The following DIP2C variants were observed in gnomAD, a reference collection of about 807,000 sequenced individuals.
DIP2C encodes the protein disco-interacting protein 2 homolog C.
DIP2C carries 33 observed loss-of-function variants against 192.4 expected under a neutral mutation model. The observed-to-expected ratio is 0.17, with a 90% CI of 0.13 to 0.23. DIP2C has a LOEUF of 0.23. Ranked by LOEUF, DIP2C falls within the 10% of genes least tolerant of loss-of-function variation. DIP2C has a pLI of 1.00. For synonymous variants in DIP2C, 979 were observed against 864.1 expected (o/e 1.13, Z -2.33); for missense variants, 1,537 against 2,110.1 (o/e 0.73, Z 5.32).
chr10:500,944 G>C (rs1033779159), intron 1 of DIP2C, among the ~76,000 whole-genome samples: 3 of 152,214 alleles, frequency 2.0e-5, no homozygotes, highest in African/African-American at 7.2e-5. Context: ...AAAAAGGCTT[G>C]TAGTTAATTT....
chr10:665,024 T>C (rs1022506058), intron 1 of DIP2C: 17 of 152,186 alleles, frequency 1.1e-4, no homozygotes, highest in African/African-American at 3.4e-4. Flanking sequence ...TCAGCACCTG[T>C]ACTCTCCCCT....
chr10:298,768 G>A (rs551920167), intron 32 of DIP2C, among the ~76,000 whole-genome samples: 1 of 152,334 alleles, frequency 6.6e-6, no homozygotes, highest in East Asian at 1.9e-4. Context: ...AGGATCTTCT[G>A]GGCTTTGCTT....
intron 1 of DIP2C, among the ~76,000 whole-genome samples, chr10:578,948 C>T (rs1850370606): frequency 1.3e-5 from 2 of 152,084 alleles, no homozygotes; most frequent in Non-Finnish European, 2.9e-5. Context: ...TGTGTACGTG[C>T]ATAGAGCATT....
chr10:286,403 A>C, intron 33 of DIP2C, 56 bp from the exon 34 acceptor site: 1 of 1,474,552 alleles, frequency 6.8e-7, no homozygotes, highest in South Asian at 1.1e-5. Flanking sequence ...GAGAGACTAC[A>C]CACAAGCCAA....
chr10:292,729 A>G (rs957823960), intron 32 of DIP2C, among the ~76,000 whole-genome samples: 3 of 152,148 alleles, frequency 2.0e-5, no homozygotes, highest in Non-Finnish European at 4.4e-5. Context: ...GGTGCTGCTG[A>G]GATAATCAGG....
At chr10:420,876 C>T (rs1270546562) in intron 5 of DIP2C, among the ~76,000 whole-genome samples, 1 of 152,088 alleles carries the variant, frequency 6.6e-6, no homozygotes, top group African/African-American at 2.4e-5. Flanking sequence ...TGTCCCTTGC[C>T]GGAGGGATCG....
chr10:433,132 C>CA (rs1473152347), intron 4 of DIP2C, among the ~76,000 whole-genome samples: 1 of 152,168 alleles, frequency 6.6e-6, no homozygotes, highest in Non-Finnish European at 1.5e-5. Context: ...TTGTTGATTT[C>CA]AATTTTGTCC....
At chr10:551,963 G>A (rs758318939) in intron 1 of DIP2C, among the ~76,000 whole-genome samples, 1 of 152,240 alleles carries the variant, frequency 6.6e-6, no homozygotes, top group Non-Finnish European at 1.5e-5. Context: ...TGCTATAGCT[G>A]TTGTGATCTG....
chr10:364,714 C>T, intron 19 of DIP2C, 132 bp from the exon 20 acceptor site: 1 of 1,023,724 alleles, frequency 9.8e-7, no homozygotes, highest in African/African-American at 1.6e-5. Flanking sequence ...TGCCCTAGGG[C>T]CGAGGTCACA....
intron 32 of DIP2C, among the ~76,000 whole-genome samples, chr10:305,216 T>C (rs1956259005): frequency 6.6e-6 from 1 of 152,212 alleles, no homozygotes; most frequent in Non-Finnish European, 1.5e-5. Context: ...CACTCACCCA[T>C]GCAACACATG....
At chr10:674,978 T>C (rs1830824181) in intron 1 of DIP2C, among the ~76,000 whole-genome samples, 1 of 151,944 alleles carries the variant, frequency 6.6e-6, no homozygotes, top group South Asian at 2.1e-4. Flanking sequence ...ATCCAACAGA[T>C]ACAAAATGCA....
chr10:459,098 G>C (rs1969540784), intron 3 of DIP2C, among the ~76,000 whole-genome samples: 1 of 152,032 alleles, frequency 6.6e-6, no homozygotes, highest in African/African-American at 2.4e-5. Flanking sequence ...TTTTGCCAGT[G>C]GGGCTAATAT....
At chr10:504,525 C>T (rs1473477588) in intron 1 of DIP2C, among the ~76,000 whole-genome samples, 3 of 152,156 alleles carry the variant, frequency 2.0e-5, no homozygotes, top group African/African-American at 7.2e-5. Context: ...TGCAAGATGA[C>T]CATGCAGAGA....
At chr10:382,566 T>G in intron 17 of DIP2C, 81 bp downstream of exon 17, 1 of 1,109,034 alleles carries the variant, frequency 9.0e-7, no homozygotes, top group Non-Finnish European at 1.3e-6. Flanking sequence ...CAGCATCAAC[T>G]GTTAGGATTT....
chr10:502,998 A>C (rs1459800050), intron 1 of DIP2C, among the ~76,000 whole-genome samples: 4 of 151,308 alleles, frequency 2.6e-5, no homozygotes, highest in Non-Finnish European at 5.9e-5. Context: ...CGACCTGCAG[A>C]CTTATTACAA....
At chr10:521,881 C>T (rs943875555) in intron 1 of DIP2C, among the ~76,000 whole-genome samples, 7 of 152,128 alleles carry the variant, frequency 4.6e-5, no homozygotes, top group African/African-American at 1.7e-4. Flanking sequence ...ATCATTCCCC[C>T]ACCCCCACCG....
chr10:619,039 A>C (rs909158628), intron 1 of DIP2C, among the ~76,000 whole-genome samples: 4 of 152,214 alleles, frequency 2.6e-5, no homozygotes, highest in Non-Finnish European at 4.4e-5. Flanking sequence ...TAAGAAATAA[A>C]ATCAGAATTC....
At chr10:470,110 G>A (rs542593739) in intron 3 of DIP2C, among the ~76,000 whole-genome samples, 2 of 152,260 alleles carry the variant, frequency 1.3e-5, no homozygotes, top group East Asian at 3.9e-4. Context: ...TAGATGATTG[G>A]CGAATATGTA....
Position 486,521 on chromosome 10 carries a change from G to C in DIP2C, c.95C>G (p.Thr32Arg). 6.2e-7 allele frequency: 1 copy of C among 1,605,792 alleles called. No homozygotes were observed. The highest frequency in any genetic ancestry group is 8.5e-7 in the Non-Finnish European group (1 of 1,176,308). Residue 32 changes from threonine (T) to arginine (R), a missense_variant, in exon 2 of 37, where the codon ACA becomes AGA. By Grantham distance (71) the Thr-to-Arg change is moderately conservative. Around this residue, in one of 4 missense-constraint regions of DIP2C, gnomAD observed 473 missense variants for 539.6 expected, o/e 0.88. Transcript: ENST00000280886. The part of the protein sequence containing the change: ...LELELSEGDI[T>R]QKGYEKKRSK... ...CCTCTTCTTTTCATATCCTTTTTGTGTGATGTCACCTGCAAGAGAAGGAAA... is the reference window on the plus strand; with the variant it reads ...CCTCTTCTTTTCATATCCTTTTTGTCTGATGTCACCTGCAAGAGAAGGAAA...
Sources: allele counts gnomAD v4.1 joint callset (sites outside exome capture counted in the v4.1 genomes callset), GRCh38; gene constraint gnomAD v4.1.1; regional missense constraint gnomAD v4.1.1; transcripts MANE v1.5; gene names NCBI Gene and HGNC (gene_info 2026-07-23, HGNC 2026-07-21).